The following VAV2 variants were observed in gnomAD, a reference collection of about 807,000 sequenced individuals.
VAV2 encodes guanine nucleotide exchange factor VAV2.
Under a neutral mutation model 132.5 loss-of-function variants are expected in VAV2, and 67 were observed. The observed-to-expected ratio is 0.51, with a 90% confidence interval of 0.42 to 0.62. The LOEUF is 0.62. Ranked by LOEUF, VAV2 falls within the 20% of genes least tolerant of loss-of-function variation. The pLI is 0.00. For missense variants in VAV2, 938 were observed against 1,153.6 expected (o/e 0.81, Z 2.71); for synonymous variants, 492 against 443.5 (o/e 1.11, Z -1.37).
At position 133,884,635 on chromosome 9, in the gene VAV2, T is replaced by C. The variant is rs1340538778; in HGVS notation, c.322-23203A>G. On this transcript the variant is annotated intron_variant, in intron 2 of 29. Coordinates refer to ENST00000371850, the MANE Select transcript of VAV2 (RefSeq NM_001134398.2). This position sits in a 1 kb window ranked among gnomAD's most constrained non-coding sequence, Gnocchi z 5.3. ...CTTGGCACAGCTGCCTTTTTCTATATGCATAAGATGCTTCAATAAGAAGCT... is the reference window on the plus strand; with the variant it reads ...CTTGGCACAGCTGCCTTTTTCTATACGCATAAGATGCTTCAATAAGAAGCT... Among the ~76,000 whole-genome samples, 1 of 152,176 alleles carries C rather than the reference T, an allele frequency of 6.6e-6. No individual in the cohort carries two copies. The highest frequency in any genetic ancestry group is 1.5e-5 in the Non-Finnish European group (1 of 68,036).
Position 133,797,844 on chromosome 9 carries a change from G to A in VAV2, c.837-35C>T, listed in dbSNP as rs769072617. 2.5e-6 allele frequency: 4 copies of A among 1,600,108 alleles called. No individual in the cohort carries two copies. The Admixed American group carries it at 6.8e-5, about 27-fold the overall frequency. ...GCACACACACGCACACACGCACACA[G>A]ATTTAATGAGCAGCTCGGGGCTGCA... On this transcript the variant is annotated intron_variant, in intron 9 of 29. Coordinates refer to ENST00000371850, the MANE Select transcript of VAV2 (RefSeq NM_001134398.2).
At chr9:133,898,229 G>C (rs1467315569) in intron 2 of VAV2, among the ~76,000 whole-genome samples, 1 of 152,104 alleles carries the variant, frequency 6.6e-6, no homozygotes, top group Non-Finnish European at 1.5e-5. Context: ...GCAGCCGACA[G>C]GGTGGCCAGA....
chr9:133,816,502 G>A (rs373850421), intron 4 of VAV2, among the ~76,000 whole-genome samples: 24 of 152,304 alleles, frequency 1.6e-4, no homozygotes, highest in Admixed American at 3.3e-4. Flanking sequence ...ATTTATGTGC[G>A]TGGTATGAAG....
chr9:133,806,448 C>G (rs7874464), intron 8 of VAV2, among the ~76,000 whole-genome samples: 1 of 152,196 alleles, frequency 6.6e-6, no homozygotes, highest in Non-Finnish European at 1.5e-5. Context: ...GCGGCCGACT[C>G]GGGGCGGGCT....
intron 5 of VAV2, 92 bp downstream of exon 5, chr9:133,812,022 C>T: frequency 7.4e-7 from 1 of 1,349,072 alleles, no homozygotes; most frequent in Non-Finnish European, 1.1e-6. Context: ...GTGGCTCAGA[C>T]ATGGGGACAG....
At chr9:133,942,220 T>C (rs1841190878) in intron 1 of VAV2, among the ~76,000 whole-genome samples, 1 of 152,120 alleles carries the variant, frequency 6.6e-6, no homozygotes, top group African/African-American at 2.4e-5. Context: ...GAGGAGTGCA[T>C]GTGAGATGGG....
At chr9:133,980,592 G>C (rs990370892) in intron 1 of VAV2, among the ~76,000 whole-genome samples, 1 of 152,148 alleles carries the variant, frequency 6.6e-6, no homozygotes, top group Non-Finnish European at 1.5e-5. Flanking sequence ...CTTCTATCAC[G>C]CATCTCCCTG....
rs867944252 is a variant in VAV2, at chr9:133,912,509, G to T, written c.321+26594C>A. ...CAACACCCATATGTCACTGGTGCTG[G>T]GTCCGAGCATGGGAGCTGCAGCCAA... On this transcript the variant is annotated intron_variant, in intron 2 of 29. Coordinates refer to ENST00000371850, the MANE Select transcript of VAV2 (RefSeq NM_001134398.2). This position sits in a 1 kb window ranked among gnomAD's most constrained non-coding sequence, Gnocchi z 4.3. 6.6e-6 allele frequency among the ~76,000 whole-genome samples: 1 copy of T among 152,170 alleles called. No individual in the cohort carries two copies. The highest frequency in any genetic ancestry group is 6.5e-5 in the Admixed American group (1 of 15,278).
At chr9:133,844,329 G>A (rs1836845966) in intron 3 of VAV2, among the ~76,000 whole-genome samples, 1 of 152,210 alleles carries the variant, frequency 6.6e-6, no homozygotes, top group Admixed American at 6.5e-5. Flanking sequence ...CGGTGAGCAT[G>A]CAGAGCCCCC....
chr9:133,782,101 GGGGGCGGGGC>G (rs979144298), intron 19 of VAV2, among the ~76,000 whole-genome samples: 1 of 138,582 alleles, frequency 7.2e-6, no homozygotes, highest in African/African-American at 2.7e-5. Flanking sequence ...ATAATCCGGC[GGGGGCGGGGC>G]GGGGGAGGAA....
chr9:133,950,422 G>A (rs1486594738), intron 1 of VAV2, among the ~76,000 whole-genome samples: 1 of 152,130 alleles, frequency 6.6e-6, no homozygotes, highest in African/African-American at 2.4e-5. Flanking sequence ...AGAGCCAGCA[G>A]CTGAGAGAGG....
chr9:133,960,357 T>C (rs1262568660), intron 1 of VAV2, among the ~76,000 whole-genome samples: 3 of 152,168 alleles, frequency 2.0e-5, no homozygotes, highest in Non-Finnish European at 4.4e-5. Flanking sequence ...CACCTGCTCC[T>C]TGGTCTCTGG....
intron 13 of VAV2, among the ~76,000 whole-genome samples, chr9:133,791,406 G>C (rs780601751): frequency 2.6e-5 from 4 of 152,128 alleles, no homozygotes; most frequent in African/African-American, 7.2e-5. Flanking sequence ...AGGGGTCCAC[G>C]AACCAGGGGG....
chr9:133,963,175 C>T (rs1314554047), intron 1 of VAV2, among the ~76,000 whole-genome samples: 1 of 152,180 alleles, frequency 6.6e-6, no homozygotes, highest in Non-Finnish European at 1.5e-5. Flanking sequence ...GCTACAAGAG[C>T]TTCCCCAGGA....
At chr9:133,799,019 C>CT (rs1834829831) in intron 9 of VAV2, among the ~76,000 whole-genome samples, 1 of 152,214 alleles carries the variant, frequency 6.6e-6, no homozygotes, top group African/African-American at 2.4e-5. Context: ...GCTGCTTTGC[C>CT]GTAGGGCACC....
In VAV2 at chr9:133,905,058, G is replaced by A. The variant is rs982485641; in HGVS notation, c.321+34045C>T. 2.0e-5 allele frequency among the ~76,000 whole-genome samples: 3 copies of A among 152,138 alleles called. No homozygotes were observed. The East Asian group carries it at 5.8e-4, about 29-fold the overall frequency. ...CACCACACGTGGAGGCTTCTCCCAG[G>A]GCGGGGGGCTCTGAGCAGCTGCCCT... On this transcript the variant is annotated intron_variant, in intron 2 of 29. Coordinates refer to ENST00000371850, the MANE Select transcript of VAV2 (RefSeq NM_001134398.2).
chr9:133,991,638 C>T lies in VAV2; in HGVS notation c.204+437G>A, dbSNP rs1358641134. Reference sequence around the variant, plus strand: ...CCTCCAGCCGCGCCCCGGGCCGGCGCAGCGACCGCGCCCGCTCTTCCACCG... The same window carrying T: ...CCTCCAGCCGCGCCCCGGGCCGGCGTAGCGACCGCGCCCGCTCTTCCACCG... On this transcript the variant is annotated intron_variant, in intron 1 of 29. Coordinates refer to ENST00000371850, the MANE Select transcript of VAV2 (RefSeq NM_001134398.2). The surrounding 1 kb of genome is among the most constrained non-coding windows in gnomAD (Gnocchi z 4.8). 6.6e-6 allele frequency among the ~76,000 whole-genome samples: 1 copy of T among 151,330 alleles called. No homozygotes were observed. The highest frequency in any genetic ancestry group is 1.5e-5 in the Non-Finnish European group (1 of 67,784).
chr9:133,808,822 C>T (rs36041770), intron 7 of VAV2, among the ~76,000 whole-genome samples: 30 of 152,312 alleles, frequency 2.0e-4, no homozygotes, highest in Non-Finnish European at 3.5e-4. Flanking sequence ...CAGGGACAGG[C>T]GCAGGCCGGG....
At position 133,969,278 on chromosome 9, in the gene VAV2, C is replaced by A. The variant is rs1842249514; in HGVS notation, c.204+22797G>T. Reference sequence around the variant, plus strand: ...CGGCTTCTCACGGCTGCGCTGCTGGCATGGTAGAGAATACAACGAACAGGG... The same window carrying A: ...CGGCTTCTCACGGCTGCGCTGCTGGAATGGTAGAGAATACAACGAACAGGG... On this transcript the variant is annotated intron_variant, in intron 1 of 29. Coordinates refer to ENST00000371850, the MANE Select transcript of VAV2 (RefSeq NM_001134398.2). This position sits in a 1 kb window ranked among gnomAD's most constrained non-coding sequence, Gnocchi z 5.1. Among the ~76,000 whole-genome samples the A allele has an allele frequency of 1.3e-5, 2 of 152,166 alleles. No individual in the cohort carries two copies. Among genetic ancestry groups the A allele is most frequent in the African/African-American group, 4.8e-5 (2 of 41,434 alleles).
Sources: allele counts gnomAD v4.1 joint callset (sites outside exome capture counted in the v4.1 genomes callset), GRCh38; gene constraint gnomAD v4.1.1; non-coding constraint Gnocchi (gnomAD v3.1); transcripts MANE v1.5; gene names NCBI Gene and HGNC (gene_info 2026-07-23, HGNC 2026-07-21).